Variants in LRMDA observed in about 807,000 individuals in gnomAD.
The protein encoded by LRMDA is leucine rich melanocyte differentiation associated.
Under a neutral mutation model 29.8 loss-of-function variants are expected in LRMDA, and 18 were observed. The ratio of observed to expected loss-of-function variants is 0.60; its 90% CI spans 0.42 to 0.90. LRMDA has a LOEUF of 0.90. LRMDA is among the 40% of genes least tolerant of loss of function. The pLI, the probability that LRMDA is intolerant of heterozygous loss-of-function variation, is 0.00. For synonymous variants in LRMDA, 125 were observed against 109.4 expected (o/e 1.14, Z -0.89); for missense variants, 273 against 273.9 (o/e 1.00, Z 0.02).
At chr10:75,876,063 G>T (rs1845192820) in intron 2 of LRMDA, among the ~76,000 whole-genome samples, 2 of 152,092 alleles carry the variant, frequency 1.3e-5, no homozygotes, top group Admixed American at 1.3e-4. Context: ...ACCCTGGTGG[G>T]AGGATATGAG....
At chr10:75,861,651 A>C (rs763212264) in intron 2 of LRMDA, among the ~76,000 whole-genome samples, 12 of 152,214 alleles carry the variant, frequency 7.9e-5, no homozygotes, top group South Asian at 2.1e-4. Context: ...AAAAAAAGAT[A>C]GTTTCTTGGG....
chr10:75,958,852 G>T (rs191331081), intron 2 of LRMDA, among the ~76,000 whole-genome samples: 164 of 152,290 alleles, frequency 1.1e-3, no homozygotes, highest in Admixed American at 1.5e-3. Context: ...GAAGGTGGAA[G>T]GCTGAAGGTG....
intron 2 of LRMDA, among the ~76,000 whole-genome samples, chr10:75,485,534 C>T (rs1389011634): frequency 6.6e-6 from 1 of 152,054 alleles, no homozygotes; most frequent in Non-Finnish European, 1.5e-5. Flanking sequence ...GCAGCTGGCA[C>T]TACAGGTGTG....
At chr10:76,255,825 C>A (rs1401531776) in intron 5 of LRMDA, among the ~76,000 whole-genome samples, 1 of 152,124 alleles carries the variant, frequency 6.6e-6, no homozygotes, top group Non-Finnish European at 1.5e-5. Flanking sequence ...AGCAGAAAGG[C>A]ACATATTAGA....
chr10:75,581,607 A>AT (rs1453926015), intron 2 of LRMDA, among the ~76,000 whole-genome samples: 3 of 151,588 alleles, frequency 2.0e-5, no homozygotes, highest in Non-Finnish European at 4.4e-5. Context: ...CTATGCAGCC[A>AT]TAAAAAAAGG....
At chr10:76,144,874 C>A (rs1159171985) in intron 5 of LRMDA, among the ~76,000 whole-genome samples, 6 of 152,066 alleles carry the variant, frequency 3.9e-5, no homozygotes, top group African/African-American at 1.4e-4. Context: ...CCCATCAATA[C>A]CTAATTTATT....
rs1849347363 is a variant in LRMDA at position 76,098,463 on chromosome 10, CA to C, written c.516+39682del. Among the ~76,000 whole-genome samples, 5 of 152,174 alleles carry C rather than the reference CA, an allele frequency of 3.3e-5. No individual in the cohort carries two copies. In the South Asian group the frequency reaches 1.0e-3, roughly 32 times the overall value. On this transcript the variant is annotated intron_variant, in intron 5 of 6. Transcript: ENST00000611255. ...GGGATTTGACAATGCCATTTAAATA[CA>C]ATTTAGGGTCCTAAAGTTTGTAATA...
At chr10:75,494,657 C>T (rs1035136961) in intron 2 of LRMDA, among the ~76,000 whole-genome samples, 5 of 151,810 alleles carry the variant, frequency 3.3e-5, no homozygotes, top group Admixed American at 6.6e-5. Flanking sequence ...TGTGTCACCA[C>T]ACCGGGCTAA....
intron 6 of LRMDA, among the ~76,000 whole-genome samples, chr10:76,518,710 A>G (rs1564564888): frequency 1.3e-5 from 2 of 152,188 alleles, no homozygotes; most frequent in Non-Finnish European, 2.9e-5. Flanking sequence ...CTATTTATGT[A>G]AGAGAAAAAT....
At chr10:76,462,583 G>C (rs534968061) in intron 6 of LRMDA, among the ~76,000 whole-genome samples, 1 of 152,182 alleles carries the variant, frequency 6.6e-6, no homozygotes, top group South Asian at 2.1e-4. Flanking sequence ...ATTATGAGAA[G>C]TTGAAATTCT....
At chr10:75,482,722 G>A (rs1844867455) in intron 2 of LRMDA, among the ~76,000 whole-genome samples, 1 of 151,946 alleles carries the variant, frequency 6.6e-6, no homozygotes, top group South Asian at 2.1e-4. Context: ...CACTGCCAGG[G>A]GTATAAGGAT....
chr10:76,340,912 T>A (rs1841034159), intron 6 of LRMDA, among the ~76,000 whole-genome samples: 1 of 152,190 alleles, frequency 6.6e-6, no homozygotes, highest in Non-Finnish European at 1.5e-5. Flanking sequence ...CCAGAAGACA[T>A]CTGTGACAAT....
At position 75,915,120 on chromosome 10, in the gene LRMDA, CTTTTTTTTTTTT is replaced by C. The variant is rs71024579; in HGVS notation, c.132-120870_132-120859del. On this transcript the variant is annotated intron_variant, in intron 2 of 6. Transcript: ENST00000611255. The stretch of plus-strand genomic sequence containing the variant: ...CTTAGAAATTCTCATGTCTAACCTT[CTTTTTTTTTTTT>C]TTTTTTTTTTTTTTTTTGAGACAGA... Among the ~76,000 whole-genome samples, 203 of 75,260 alleles carry C rather than the reference CTTTTTTTTTTTT, an allele frequency of 2.7e-3. 1 individual carries two copies. The highest frequency in any genetic ancestry group is 0.012 in the Middle Eastern group (1 of 82). 49.4% of individuals were successfully genotyped at this position (75,260 alleles called of 152,430 possible). A position where few individuals can be genotyped will look rare whatever the true frequency, so the allele number is the denominator to read the frequency against.
rs149380944 is a variant in LRMDA, at chr10:76,103,575, C to T, written c.516+44792C>T. Among the ~76,000 whole-genome samples, 543 of 152,326 alleles carry T rather than the reference C, an allele frequency of 3.6e-3. 1 individual carries two copies. Among genetic ancestry groups the T allele is most frequent in the Non-Finnish European group, 5.9e-3 (403 of 68,034 alleles). On this transcript the variant is annotated intron_variant, in intron 5 of 6. Transcript: ENST00000611255. ...ATACACTTCCTGAGGTTGATGAACA[C>T]ATTTTCACCCCTTTTAGTTGTGGTA...
intron 2 of LRMDA, among the ~76,000 whole-genome samples, chr10:75,882,189 G>C (rs937516855): frequency 6.6e-6 from 1 of 152,210 alleles, no homozygotes; most frequent in Non-Finnish European, 1.5e-5. Flanking sequence ...CTGAACCTGG[G>C]GAGGCGAGCA....
chr10:75,681,297 A>G lies in LRMDA; in HGVS notation c.131+242803A>G, dbSNP rs79396756. ...TCTCATTTTAATGCTTCAGTAGTTA[A>G]GTTGTGCCAAATTGCTTTTGAGGAG... On this transcript the variant is annotated intron_variant, in intron 2 of 6. Transcript: ENST00000611255. Among the ~76,000 whole-genome samples, 354 of 152,356 alleles carry G rather than the reference A, an allele frequency of 2.3e-3. 1 individual carries two copies. Among genetic ancestry groups the G allele is most frequent in the African/African-American group, 8.0e-3 (332 of 41,582 alleles).
At chr10:76,433,498 C>T (rs997235081) in intron 6 of LRMDA, among the ~76,000 whole-genome samples, 6 of 152,156 alleles carry the variant, frequency 3.9e-5, no homozygotes, top group East Asian at 1.9e-4. Flanking sequence ...AGGTGGAGCA[C>T]GGCCTGTCCT....
chr10:76,077,991 C>CTTTTTTTTTT (rs1564646877), intron 5 of LRMDA, among the ~76,000 whole-genome samples: 3 of 83,432 alleles, frequency 3.6e-5, no homozygotes, highest in Non-Finnish European at 4.6e-5. Context: ...GCAATATTAA[C>CTTTTTTTTTT]ATTTTTTTTT....
chr10:75,776,324 A>G (rs1484221244), intron 2 of LRMDA, among the ~76,000 whole-genome samples: 1 of 152,210 alleles, frequency 6.6e-6, no homozygotes, highest in Non-Finnish European at 1.5e-5. Context: ...TCTAGAAATC[A>G]TCTGGGGGCA....
Sources: gnomAD v4.1 joint callset for allele counts (sites outside exome capture counted in the v4.1 genomes callset) on GRCh38, gnomAD v4.1.1 for gene constraint, MANE v1.5 for transcripts, NCBI Gene and HGNC (gene_info 2026-07-23, HGNC 2026-07-21) for gene names.